Variants in CNTN4 observed in about 807,000 individuals in gnomAD.
The protein encoded by CNTN4 is contactin-4.
In CNTN4, 77 loss-of-function variants were observed where a neutral mutation model predicts 122.5. That is an observed-to-expected ratio of 0.63 (90% confidence interval 0.52 to 0.76). CNTN4 has a LOEUF of 0.76. Among genes scored for constraint, CNTN4 ranks in the 30% least tolerant of loss-of-function variants. The pLI, the probability that CNTN4 is intolerant of heterozygous loss-of-function variation, is 0.00. For synonymous variants in CNTN4, 512 were observed against 447.0 expected (o/e 1.15, Z -1.83); for missense variants, 1,256 against 1,259.1 (o/e 1.00, Z 0.04).
intron 12 of CNTN4, among the ~76,000 whole-genome samples, chr3:2,907,981 T>C (rs2094256303): frequency 6.6e-6 from 1 of 152,188 alleles, no homozygotes; most frequent in East Asian, 1.9e-4. Context: ...CTATGACAAT[T>C]GGCAGTTTAT....
At chr3:2,885,010 C>T (rs1559618818) in intron 9 of CNTN4, among the ~76,000 whole-genome samples, 1 of 152,176 alleles carries the variant, frequency 6.6e-6, no homozygotes, top group East Asian at 1.9e-4. Flanking sequence ...CGATTATGTA[C>T]TTTTCATAGA....
intron 3 of CNTN4, among the ~76,000 whole-genome samples, chr3:2,482,330 C>T (rs2076028669): frequency 1.3e-5 from 2 of 151,916 alleles, no homozygotes; most frequent in South Asian, 2.1e-4. Flanking sequence ...CTTTAGAGAG[C>T]TGATTTAGGG....
At chr3:2,501,390 AC>A (rs1275785296) in intron 3 of CNTN4, among the ~76,000 whole-genome samples, 1 of 152,182 alleles carries the variant, frequency 6.6e-6, no homozygotes, top group Non-Finnish European at 1.5e-5. Context: ...TATTAATATC[AC>A]AAATTTCATG....
intron 3 of CNTN4, among the ~76,000 whole-genome samples, chr3:2,525,317 A>G (rs1377122954): frequency 1.3e-5 from 2 of 152,180 alleles, no homozygotes; most frequent in Non-Finnish European, 2.9e-5. Context: ...CTGAGAAAAA[A>G]TAAAGATATT....
chr3:3,031,879 C>T (rs916094638), intron 16 of CNTN4, among the ~76,000 whole-genome samples: 8 of 152,100 alleles, frequency 5.3e-5, no homozygotes, highest in Admixed American at 3.3e-4. Context: ...GGCAAAACTT[C>T]GAACGCAAGA....
rs143665869 is a variant in CNTN4 at position 2,544,587 on chromosome 3, G to A, written c.-88-26829G>A. Among the ~76,000 whole-genome samples the A allele has an allele frequency of 1.7e-3, 256 of 152,080 alleles. 1 individual carries two copies. The highest frequency in any genetic ancestry group is 6.0e-3 in the African/African-American group (250 of 41,508). ...AAAGTACAGTATTCAATTTCTTCCT[G>A]GTTCAGTTTTGGGAGATTGTGTGTC... On this transcript the variant is annotated intron_variant, in intron 3 of 24. Coordinates refer to ENST00000418658, the MANE Select transcript of CNTN4 (RefSeq NM_175607.3).
At chr3:2,533,942 C>G (rs1283577648) in intron 3 of CNTN4, among the ~76,000 whole-genome samples, 1 of 146,016 alleles carries the variant, frequency 6.8e-6, no homozygotes, top group Admixed American at 6.8e-5. Context: ...CCTTTGCCCA[C>G]TTTTTGATGG....
chr3:2,821,424 A>G (rs949543624), intron 7 of CNTN4, among the ~76,000 whole-genome samples: 3 of 152,230 alleles, frequency 2.0e-5, no homozygotes, highest in Non-Finnish European at 4.4e-5. Flanking sequence ...AGAAGCAAAG[A>G]CAAAAGGCAA....
chr3:2,397,230 T>C (rs147272541), intron 3 of CNTN4, among the ~76,000 whole-genome samples: 159 of 152,326 alleles, frequency 1.0e-3, no homozygotes, highest in African/African-American at 3.6e-3. Context: ...AAAGCAAACA[T>C]CTGATATAGT....
intron 4 of CNTN4, among the ~76,000 whole-genome samples, chr3:2,666,154 A>G (rs1050705831): frequency 6.6e-6 from 1 of 152,218 alleles, no homozygotes; most frequent in East Asian, 1.9e-4. Flanking sequence ...GACTTTTCCT[A>G]GAAGAGACAT....
chr3:2,745,191 A>G (rs939792140), intron 5 of CNTN4, among the ~76,000 whole-genome samples: 1 of 152,218 alleles, frequency 6.6e-6, no homozygotes, highest in African/African-American at 2.4e-5. Flanking sequence ...GAGGAGCCCC[A>G]TTTGAAGAAA....
rs148388629 is a variant in CNTN4, at chr3:2,795,682, A to G, written c.359-23804A>G. Among the ~76,000 whole-genome samples, 915 of 152,042 alleles carry G rather than the reference A, an allele frequency of 6.0e-3. 11 individuals carry two copies. The highest frequency in any genetic ancestry group is 0.02 in the African/African-American group (821 of 41,482). Reference sequence around the variant, plus strand: ...ACCACAGGCGCCCAAGACCACGCTCAGCTAATTTTTTGTATTTTTAGTAGA... The same window carrying G: ...ACCACAGGCGCCCAAGACCACGCTCGGCTAATTTTTTGTATTTTTAGTAGA... On this transcript the variant is annotated intron_variant, in intron 6 of 24. Coordinates refer to ENST00000418658, the MANE Select transcript of CNTN4 (RefSeq NM_175607.3).
At chr3:2,619,344 T>C (rs563720890) in intron 4 of CNTN4, among the ~76,000 whole-genome samples, 1 of 152,342 alleles carries the variant, frequency 6.6e-6, no homozygotes, top group South Asian at 2.1e-4. Flanking sequence ...CTGCTTCTAG[T>C]AGCAATAGAC....
intron 23 of CNTN4, among the ~76,000 whole-genome samples, chr3:3,048,226 T>C (rs774486250): frequency 2.1e-5 from 3 of 139,980 alleles, no homozygotes; most frequent in Non-Finnish European, 4.8e-5. Context: ...ATCAAAAATA[T>C]TCAGGAAAAA....
chr3:2,150,944 G>T (rs2035467938), intron 2 of CNTN4, among the ~76,000 whole-genome samples: 1 of 152,076 alleles, frequency 6.6e-6, no homozygotes, highest in South Asian at 2.1e-4. Context: ...GATACTTTTT[G>T]AGTTCCTACT....
rs1435688018 is a variant in CNTN4 at position 2,895,466 on chromosome 3, T to G, written c.941-5219T>G. On this transcript the variant is annotated intron_variant, in intron 10 of 24. Transcript: ENST00000418658. The stretch of plus-strand genomic sequence containing the variant: ...ACCTATTAATAGAAATATGCCAGCT[T>G]TGAGTTGCCTTCTAGTGTATCTTCA... Among the ~76,000 whole-genome samples, 3 of 152,202 alleles carry G rather than the reference T, an allele frequency of 2.0e-5. No individual in the cohort carries two copies. In the East Asian group the frequency reaches 5.8e-4, roughly 29 times the overall value.
chr3:2,626,622 T>G (rs1464427441), intron 4 of CNTN4, among the ~76,000 whole-genome samples: 1 of 152,152 alleles, frequency 6.6e-6, no homozygotes, highest in Non-Finnish European at 1.5e-5. Flanking sequence ...GAGGAAAGAA[T>G]TGGATTGGCT....
chr3:2,190,970 A>G (rs73807008), intron 2 of CNTN4, among the ~76,000 whole-genome samples: 3,785 of 151,918 alleles, frequency 0.025, 152 homozygotes, highest in African/African-American at 0.087. Flanking sequence ...CTTTCACCTC[A>G]CCAGTTCAAG....
intron 3 of CNTN4, among the ~76,000 whole-genome samples, chr3:2,408,152 T>C (rs182128209): frequency 1.3e-5 from 2 of 152,326 alleles, no homozygotes; most frequent in African/African-American, 4.8e-5. Context: ...TATTTTTCTG[T>C]ACATCCTAAG....
Sources: allele counts gnomAD v4.1 joint callset (sites outside exome capture counted in the v4.1 genomes callset), GRCh38; gene constraint gnomAD v4.1.1; transcripts MANE v1.5; gene names NCBI Gene and HGNC (gene_info 2026-07-23, HGNC 2026-07-21).